The following MAGI2 variants were observed in gnomAD, a reference collection of about 807,000 sequenced individuals.
MAGI2 encodes the protein membrane-associated guanylate kinase, WW and PDZ domain-containing protein 2.
MAGI2 carries 35 observed loss-of-function variants against 133.3 expected under a neutral mutation model. That is an observed-to-expected ratio of 0.26 (90% CI 0.20 to 0.35). The LOEUF (loss-of-function observed/expected upper bound fraction) is 0.35. Among genes scored for constraint, MAGI2 ranks in the 10% least tolerant of loss-of-function variants. The probability of loss-of-function intolerance (pLI) is 1.00; values close to 1 mark genes in which losing one functional copy is unlikely to be tolerated. For missense variants in MAGI2, 1,636 were observed against 1,863.4 expected, an observed-to-expected ratio of 0.88 and a Z score of 2.25; for synonymous variants, 729 against 710.6, an observed-to-expected ratio of 1.03 and a Z score of -0.41.
Position 78,177,993 on chromosome 7 carries a change from AAAG to A in MAGI2, c.2403+15_2403+17del. ...ACAATACAGCCCCAAGCATGGAAATAAAGAAGATTCAACTTACAGGCTGTCCAG... is the reference window on the plus strand; with the variant it reads ...ACAATACAGCCCCAAGCATGGAAATAAAGATTCAACTTACAGGCTGTCCAG... On this transcript the variant is annotated intron_variant, in intron 14 of 21. Coordinates refer to ENST00000354212, the MANE Select transcript of MAGI2 (RefSeq NM_012301.4). 6.4e-7 allele frequency: 1 copy of A among 1,568,718 alleles called. No homozygotes were observed. Among genetic ancestry groups the A allele is most frequent in the Non-Finnish European group, 8.8e-7 (1 of 1,139,184 alleles).
chr7:79,248,622 A>G lies in MAGI2; in HGVS notation c.301+204398T>C, dbSNP rs1231167628. 2.0e-5 allele frequency among the ~76,000 whole-genome samples: 3 copies of G among 152,284 alleles called. No homozygotes were observed. The South Asian group carries it at 6.2e-4, about 32-fold the overall frequency. On this transcript the variant is annotated intron_variant, in intron 1 of 21. Transcript: ENST00000354212. The stretch of plus-strand genomic sequence containing the variant: ...AAAGACAAATCATAAGTTAGACCAC[A>G]AAACAAGACTTAAAAAACTCAAAAT...
intron 1 of MAGI2, among the ~76,000 whole-genome samples, chr7:79,342,425 A>G (rs1263293267): frequency 2.0e-5 from 3 of 152,240 alleles, no homozygotes; most frequent in African/African-American, 7.2e-5. Flanking sequence ...CTGTGTCCCA[A>G]TATCCCTTAC....
At chr7:79,132,182 G>C (rs1205362316) in intron 1 of MAGI2, among the ~76,000 whole-genome samples, 9 of 152,080 alleles carry the variant, frequency 5.9e-5, no homozygotes, top group Non-Finnish European at 8.8e-5. Flanking sequence ...AGGTATAAGT[G>C]ATTTTATCAT....
At chr7:78,319,178 G>A (rs1584858001) in intron 9 of MAGI2, among the ~76,000 whole-genome samples, 1 of 152,134 alleles carries the variant, frequency 6.6e-6, no homozygotes, top group Admixed American at 6.5e-5. Context: ...TGGCAAATTC[G>A]ATAAAGAGTC....
chr7:78,446,822 T>C (rs1238161340), intron 6 of MAGI2, among the ~76,000 whole-genome samples: 1 of 152,128 alleles, frequency 6.6e-6, no homozygotes, highest in Non-Finnish European at 1.5e-5. Context: ...ATTGCAATTA[T>C]GCTTATAAGC....
intron 1 of MAGI2, among the ~76,000 whole-genome samples, chr7:79,211,276 C>A (rs1013836482): frequency 1.3e-5 from 2 of 151,730 alleles, no homozygotes; most frequent in African/African-American, 4.9e-5. Context: ...ACAAACCTTT[C>A]TTTTTATTTA....
intron 9 of MAGI2, among the ~76,000 whole-genome samples, chr7:78,332,099 A>T (rs986574169): frequency 6.6e-6 from 1 of 152,196 alleles, no homozygotes; most frequent in African/African-American, 2.4e-5. Flanking sequence ...AGAGATGAGA[A>T]CCTAGGATAA....
At chr7:79,162,431 G>A (rs1307329267) in intron 1 of MAGI2, among the ~76,000 whole-genome samples, 1 of 152,002 alleles carries the variant, frequency 6.6e-6, no homozygotes, top group Admixed American at 6.6e-5. Context: ...TCTAGGCCCA[G>A]GGACTATCGA....
intron 6 of MAGI2, among the ~76,000 whole-genome samples, chr7:78,476,751 C>T (rs548869003): frequency 1.3e-5 from 2 of 151,972 alleles, no homozygotes; most frequent in East Asian, 2.0e-4. Flanking sequence ...GGGTCTTTAA[C>T]AGTAACATGG....
chr7:78,039,240 A>T (rs1354843422), intron 21 of MAGI2, among the ~76,000 whole-genome samples: 1 of 152,198 alleles, frequency 6.6e-6, no homozygotes, highest in Non-Finnish European at 1.5e-5. Flanking sequence ...GGGTTAAAAA[A>T]ATCTCAATTC....
chr7:78,922,183 ATTAT>A (rs1225690168), intron 2 of MAGI2, among the ~76,000 whole-genome samples: 1 of 132,430 alleles, frequency 7.6e-6, no homozygotes, highest in African/African-American at 2.8e-5. Context: ...TTGGCATCAG[ATTAT>A]TTCTTTTTTT....
chr7:78,247,034 C>A (rs80130209), intron 10 of MAGI2, among the ~76,000 whole-genome samples: 1 of 152,148 alleles, frequency 6.6e-6, no homozygotes, highest in Non-Finnish European at 1.5e-5. Flanking sequence ...TCTTGAACCC[C>A]GGACCTCAGT....
chr7:78,972,488 TATC>T (rs1208410235), intron 2 of MAGI2, among the ~76,000 whole-genome samples: 2 of 151,882 alleles, frequency 1.3e-5, no homozygotes, highest in Admixed American at 1.3e-4. Context: ...TAGATTTTGT[TATC>T]AACAACATAA....
chr7:79,342,382 T>C (rs1451987069), intron 1 of MAGI2, among the ~76,000 whole-genome samples: 1 of 152,206 alleles, frequency 6.6e-6, no homozygotes, highest in Admixed American at 6.5e-5. Context: ...AAGTGCATCT[T>C]TTTCAAAACT....
intron 2 of MAGI2, among the ~76,000 whole-genome samples, chr7:78,973,368 A>G (rs1803954530): frequency 6.6e-6 from 1 of 151,752 alleles, no homozygotes; most frequent in Non-Finnish European, 1.5e-5. Context: ...TTTTGCTTAA[A>G]CCAAATGACA....
chr7:79,445,413 C>G (rs1326514039), intron 1 of MAGI2, among the ~76,000 whole-genome samples: 1 of 152,094 alleles, frequency 6.6e-6, no homozygotes, highest in African/African-American at 2.4e-5. Context: ...TGCAGTCTAT[C>G]CATCTGACAA....
intron 1 of MAGI2, among the ~76,000 whole-genome samples, chr7:79,204,230 G>A (rs1026980634): frequency 1.3e-5 from 2 of 152,216 alleles, no homozygotes; most frequent in East Asian, 3.9e-4. Flanking sequence ...CTACCCTGGT[G>A]TCAGGAAGGA....
chr7:79,005,733 A>T (rs1373182405), intron 2 of MAGI2, among the ~76,000 whole-genome samples: 2 of 152,168 alleles, frequency 1.3e-5, no homozygotes, highest in Non-Finnish European at 2.9e-5. Context: ...TAGCTTTGAA[A>T]ATGCGTCCAC....
chr7:78,899,538 A>G, intron 2 of MAGI2, among the ~76,000 whole-genome samples: 1 of 152,170 alleles, frequency 6.6e-6, no homozygotes, highest in Non-Finnish European at 1.5e-5. Context: ...TTCCTAATCT[A>G]CTAAGTAGTC....
Sources: allele counts gnomAD v4.1 joint callset (sites outside exome capture counted in the v4.1 genomes callset), GRCh38; gene constraint gnomAD v4.1.1; transcripts MANE v1.5; gene names NCBI Gene and HGNC (gene_info 2026-07-23, HGNC 2026-07-21).